The following RAP1GAP variants were observed in gnomAD, a reference collection of about 807,000 sequenced individuals.
RAP1GAP encodes RAP1 GTPase activating protein, also known as rap1 GTPase-activating protein 1.
A neutral mutation model predicts 87.2 loss-of-function variants in RAP1GAP; 35 were observed. The ratio of observed to expected loss-of-function variants is 0.40; its 90% CI spans 0.31 to 0.53. The LOEUF (loss-of-function observed/expected upper bound fraction) is 0.53. RAP1GAP is among the 20% of genes least tolerant of loss of function. The probability of loss-of-function intolerance (pLI) is 0.48; values close to 1 mark genes in which losing one functional copy is unlikely to be tolerated. For missense variants in RAP1GAP, 734 were observed against 898.9 expected (o/e 0.82, Z 2.35); for synonymous variants, 375 against 363.9 (o/e 1.03, Z -0.35).
chr1:21,598,916 C>A (rs1284963843), intron 21 of RAP1GAP, among the ~76,000 whole-genome samples: 1 of 152,256 alleles, frequency 6.6e-6, no homozygotes, highest in Non-Finnish European at 1.5e-5. Context: ...TCTGGGGCAG[C>A]GCTTGGCAAG....
intron 1 of RAP1GAP, among the ~76,000 whole-genome samples, chr1:21,657,987 G>A (rs1399439828): frequency 6.6e-6 from 1 of 152,162 alleles, no homozygotes; most frequent in Admixed American, 6.5e-5. Context: ...CGCCAGGGTG[G>A]TTTCAGTCCT....
At chr1:21,663,129 G>A (rs1015850844) in intron 1 of RAP1GAP, among the ~76,000 whole-genome samples, 8 of 152,210 alleles carry the variant, frequency 5.3e-5, no homozygotes, top group Non-Finnish European at 1.5e-5. Flanking sequence ...CAGCCAGGGA[G>A]GGCTGTGGGC....
intron 3 of RAP1GAP, 58 bp downstream of exon 3, chr1:21,626,246 G>A (rs1558755104): frequency 2.1e-6 from 3 of 1,403,456 alleles, no homozygotes; most frequent in Non-Finnish European, 3.0e-6. Context: ...CCAGCCCTGG[G>A]CATGTGTCGG....
intron 3 of RAP1GAP, among the ~76,000 whole-genome samples, chr1:21,624,839 G>A (rs1163796574): frequency 3.1e-5 from 2 of 63,622 alleles, no homozygotes; most frequent in African/African-American, 8.3e-5. Context: ...CAGGGCTATG[G>A]GCTGCTCTCT....
chr1:21,642,262 G>T (rs1284172166), intron 2 of RAP1GAP, among the ~76,000 whole-genome samples: 1 of 152,206 alleles, frequency 6.6e-6, no homozygotes, highest in Non-Finnish European at 1.5e-5. Context: ...GCGCAATTCC[G>T]CACCCACTGC....
chr1:21,628,461 T>A (rs1239504286), intron 2 of RAP1GAP, among the ~76,000 whole-genome samples: 1 of 145,178 alleles, frequency 6.9e-6, no homozygotes, highest in Admixed American at 6.9e-5. Context: ...GGCTCACACC[T>A]GTAATCCCAG....
chr1:21,663,625 A>T (rs889584971), intron 1 of RAP1GAP, among the ~76,000 whole-genome samples: 1 of 152,144 alleles, frequency 6.6e-6, no homozygotes, highest in Admixed American at 6.5e-5. Context: ...GAGGCCTTGG[A>T]GAGGGCTGTC....
chr1:21,638,986 C>A lies in RAP1GAP; in HGVS notation c.-113+10775G>T, dbSNP rs374405076. On this transcript the variant is annotated intron_variant, in intron 2 of 24. Coordinates refer to ENST00000374765, the MANE Select transcript of RAP1GAP (RefSeq NM_002885.4). ...TTCCCCTACATTAGGCATTAGACAA[C>A]CTGCTCCGAGGGTCAGGGAAGAGCA... 2.3e-3 allele frequency among the ~76,000 whole-genome samples: 355 copies of A among 152,362 alleles called. 2 individuals are homozygous for A. Among genetic ancestry groups the A allele is most frequent in the African/African-American group, 8.1e-3 (335 of 41,592 alleles).
Position 21,613,820 on chromosome 1 carries a change from G to A in RAP1GAP, c.396-114C>T. On this transcript the variant is annotated intron_variant, in intron 8 of 24. Transcript: ENST00000374765. This position sits in a 1 kb window ranked among gnomAD's most constrained non-coding sequence, Gnocchi z 4.7. ...GTGGACCACAGCGAGGACCAGAGGT[G>A]ATGATGGGTGTCAGGCTGACTCGGG... 1.7e-6 allele frequency: 2 copies of A among 1,201,872 alleles called. No individual in the cohort carries two copies. Among genetic ancestry groups the A allele is most frequent in the South Asian group, 2.5e-5 (2 of 80,888 alleles). 74.5% of individuals were successfully genotyped at this position (1,201,872 alleles called of 1,614,324 possible).
In RAP1GAP at chr1:21,613,815, G is replaced by A; in HGVS notation, c.396-109C>T. ...AGGGGGTGGACCACAGCGAGGACCA[G>A]AGGTGATGATGGGTGTCAGGCTGAC... On this transcript the variant is annotated intron_variant, in intron 8 of 24. Coordinates refer to ENST00000374765, the MANE Select transcript of RAP1GAP (RefSeq NM_002885.4). This position sits in a 1 kb window ranked among gnomAD's most constrained non-coding sequence, Gnocchi z 4.7. 1 of 1,246,496 alleles carries A rather than the reference G, an allele frequency of 8.0e-7. No homozygotes were observed. The highest frequency in any genetic ancestry group is 1.2e-6 in the Non-Finnish European group (1 of 857,752). 77.2% of individuals were successfully genotyped at this position (1,246,496 alleles called of 1,614,324 possible).
intron 1 of RAP1GAP, among the ~76,000 whole-genome samples, chr1:21,666,450 C>T (rs1194996808): frequency 3.9e-5 from 6 of 152,202 alleles, no homozygotes; most frequent in Admixed American, 3.9e-4. Flanking sequence ...CCTTCAGAGA[C>T]AGCAAAGGAG....
chr1:21,636,739 G>A (rs1281322397), intron 2 of RAP1GAP, among the ~76,000 whole-genome samples: 10 of 151,754 alleles, frequency 6.6e-5, no homozygotes, highest in Non-Finnish European at 1.3e-4. Flanking sequence ...CCCGGGAGAT[G>A]GAGGTTGCAG....
intron 4 of RAP1GAP, among the ~76,000 whole-genome samples, chr1:21,619,612 C>T (rs931506185): frequency 6.6e-6 from 1 of 152,042 alleles, no homozygotes; most frequent in African/African-American, 2.4e-5. Context: ...GGTAATACCT[C>T]CCACTCCTGC....
intron 2 of RAP1GAP, chr1:21,627,050 C>T (rs2092418621): frequency 6.6e-6 from 3 of 453,886 alleles, no homozygotes; most frequent in South Asian, 1.6e-5. Flanking sequence ...CCACACCACA[C>T]CCTTCCCTGA....
rs1434702927 is a variant in RAP1GAP, at chr1:21,668,921, C to A, written c.-149+333G>T. On this transcript the variant is annotated intron_variant, in intron 1 of 24. Coordinates refer to ENST00000374765, the MANE Select transcript of RAP1GAP (RefSeq NM_002885.4). This position sits in a 1 kb window ranked among gnomAD's most constrained non-coding sequence, Gnocchi z 6.2. ...CCCTCCTCTAAACCCCAGGCGCCCC[C>A]ACCTCGAGGTGGGCGGAAAACTGGA... Among the ~76,000 whole-genome samples the A allele has an allele frequency of 6.6e-6, 1 of 151,802 alleles. No homozygotes were observed. The highest frequency in any genetic ancestry group is 2.0e-4 in the East Asian group (1 of 5,090).
At chr1:21,601,849 G>C in intron 19 of RAP1GAP, 52 bp from the exon 20 acceptor site, 1 of 1,354,136 alleles carries the variant, frequency 7.4e-7, no homozygotes, top group Non-Finnish European at 1.0e-6. Flanking sequence ...CCTGGCATCA[G>C]GCGTAGCGTG....
rs752151396 is a variant in RAP1GAP at position 21,603,470 on chromosome 1, G to A, written c.1429-557C>T. Reference sequence around the variant, plus strand: ...AAGGGGTAGGACCCCAGGTCACTTCGTGGCGGGGAGGAGGAGTCAGGGCAG... The same window carrying A: ...AAGGGGTAGGACCCCAGGTCACTTCATGGCGGGGAGGAGGAGTCAGGGCAG... On this transcript the variant is annotated intron_variant, in intron 18 of 24. Coordinates refer to ENST00000374765, the MANE Select transcript of RAP1GAP (RefSeq NM_002885.4). This position sits in a 1 kb window ranked among gnomAD's most constrained non-coding sequence, Gnocchi z 6.0. The A allele has an allele frequency of 5.1e-5, 30 of 588,254 alleles. No homozygotes were observed. The highest frequency in any genetic ancestry group is 2.2e-4 in the South Asian group (11 of 49,086). The allele number at this position is 588,254 out of a possible 1,614,324, so 36.4% of individuals were successfully genotyped here. A position where few individuals can be genotyped will look rare whatever the true frequency, so the allele number is the denominator to read the frequency against.
intron 3 of RAP1GAP, among the ~76,000 whole-genome samples, chr1:21,621,125 T>C (rs1260818485): frequency 1.3e-5 from 2 of 152,016 alleles, no homozygotes; most frequent in Non-Finnish European, 2.9e-5. Context: ...CACACACAAA[T>C]GCAAACCCAC....
At chr1:21,636,918 GAGGGAGGGAGGGAGGGAGGGAGGGAGGA>G (rs2094797036) in intron 2 of RAP1GAP, among the ~76,000 whole-genome samples, 1 of 88,420 alleles carries the variant, frequency 1.1e-5, no homozygotes, top group Non-Finnish European at 2.3e-5. Context: ...GGAAGGAAGG[GAGGGAGGGAGGGAGGGAGGGAGGGAGGA>G]AGGGAGGGAG....
Sources: allele counts gnomAD v4.1 joint callset (sites outside exome capture counted in the v4.1 genomes callset), GRCh38; gene constraint gnomAD v4.1.1; non-coding constraint Gnocchi (gnomAD v3.1); transcripts MANE v1.5; gene names NCBI Gene and HGNC (gene_info 2026-07-23, HGNC 2026-07-21).